The following RIN2 variants were observed in gnomAD, a reference collection of about 807,000 sequenced individuals.
RIN2 encodes RAB5 interacting protein 2.
Under a neutral mutation model 78.0 loss-of-function variants are expected in RIN2, and 36 were observed. The ratio of observed to expected loss-of-function variants is 0.46; its 90% CI spans 0.35 to 0.61. The LOEUF (loss-of-function observed/expected upper bound fraction) is 0.61. Among genes scored for constraint, RIN2 ranks in the 20% least tolerant of loss-of-function variants. The pLI, the probability that RIN2 is intolerant of heterozygous loss-of-function variation, is 0.00. For missense variants in RIN2, 1,087 were observed against 1,159.7 expected (o/e 0.94, Z 0.91); for synonymous variants, 466 against 466.8 (o/e 1.00, Z 0.02).
rs758422755 is a variant in RIN2 at position 19,975,281 on chromosome 20, G to A, written c.1256G>A (p.Arg419Gln). 1.0e-5 allele frequency: 16 copies of A among 1,597,378 alleles called. No homozygotes were observed. The highest frequency in any genetic ancestry group is 6.8e-5 in the South Asian group (6 of 88,882). Residue 419 changes from arginine to glutamine, a missense_variant, in exon 9 of 13, where the codon CGG (arginine) becomes CAG (glutamine). By Grantham distance (43) the Arg-to-Gln change is conservative. Transcript: ENST00000255006. The surrounding 1 kb of genome is among the most constrained non-coding windows in gnomAD (Gnocchi z 4.9). ...TRAPPPSSES[R>Q]PPCHGGRQRL... Reference sequence around the variant, plus strand: ...GCCCCGCCGCCCAGCTCTGAATCACGGCCCCCGTGCCATGGAGGCCGGCAG... The same window carrying A: ...GCCCCGCCGCCCAGCTCTGAATCACAGCCCCCGTGCCATGGAGGCCGGCAG...
intron 2 of RIN2, among the ~76,000 whole-genome samples, chr20:19,851,046 GA>G (rs2036957195): frequency 5.0e-5 from 3 of 60,398 alleles, no homozygotes; most frequent in African/African-American, 1.1e-4. Flanking sequence ...AGGAAGGAAG[GA>G]AGGAGAAAGA....
chr20:19,983,281 T>G (rs1315764661), intron 9 of RIN2, among the ~76,000 whole-genome samples: 2 of 152,220 alleles, frequency 1.3e-5, no homozygotes. Flanking sequence ...GAGAGGTCTA[T>G]GTGCCATCTC....
At chr20:19,847,008 CT>C (rs761828596) in intron 2 of RIN2, among the ~76,000 whole-genome samples, 1 of 152,200 alleles carries the variant, frequency 6.6e-6, no homozygotes, top group Non-Finnish European at 1.5e-5. Flanking sequence ...AGTAGTATCT[CT>C]TAATTTTTGA....
intron 2 of RIN2, among the ~76,000 whole-genome samples, chr20:19,856,265 A>C (rs1308014417): frequency 6.6e-6 from 1 of 152,196 alleles, no homozygotes; most frequent in Non-Finnish European, 1.5e-5. Context: ...TTAGGGTTTT[A>C]AGAGTTATTT....
Position 20,001,060 on chromosome 20 carries a change from G to A in RIN2, c.*124G>A, listed in dbSNP as rs2043129537. ...GGGGACCCCTCAGTGTAGTGACTAA[G>A]CCATCCACAGGCCAACTCGGCCAAG... On this transcript the variant is annotated 3_prime_UTR_variant, in exon 13 of 13. Coordinates refer to ENST00000255006, the MANE Select transcript of RIN2 (RefSeq NM_018993.4). The A allele has an allele frequency of 2.2e-6, 2 of 896,384 alleles. No individual in the cohort carries two copies. Among genetic ancestry groups the A allele is most frequent in the South Asian group, 1.9e-5 (1 of 53,710 alleles). 55.5% of individuals were successfully genotyped at this position (896,384 alleles called of 1,614,324 possible). A position where few individuals can be genotyped will look rare whatever the true frequency, so the allele number is the denominator to read the frequency against.
chr20:19,759,009 G>A (rs956446455), intron 1 of RIN2, among the ~76,000 whole-genome samples: 1 of 152,210 alleles, frequency 6.6e-6, no homozygotes, highest in Admixed American at 6.5e-5. Context: ...GGGAAGGGAC[G>A]GGGCCACTTT....
intron 2 of RIN2, among the ~76,000 whole-genome samples, chr20:19,808,457 C>T (rs2035481052): frequency 6.6e-6 from 1 of 152,228 alleles, no homozygotes; most frequent in African/African-American, 2.4e-5. Flanking sequence ...CTGGAGTGGC[C>T]TCAGCTCGGG....
chr20:19,922,264 C>G (rs1365543424), intron 3 of RIN2, among the ~76,000 whole-genome samples: 2 of 152,138 alleles, frequency 1.3e-5, no homozygotes, highest in Non-Finnish European at 2.9e-5. Context: ...CAACACCCAG[C>G]TTCACTGGTC....
chr20:19,861,537 C>CTGA (rs1305692896), intron 2 of RIN2, among the ~76,000 whole-genome samples: 9 of 151,930 alleles, frequency 5.9e-5, no homozygotes, highest in African/African-American at 1.9e-4. Flanking sequence ...CCCTCCATAT[C>CTGA]TGATCACCCT....
intron 2 of RIN2, among the ~76,000 whole-genome samples, chr20:19,834,510 T>A (rs1354385024): frequency 3.9e-5 from 6 of 152,132 alleles, no homozygotes; most frequent in Non-Finnish European, 8.8e-5. Context: ...ACGCTCTGGT[T>A]CCCTGACAGG....
intron 1 of RIN2, among the ~76,000 whole-genome samples, chr20:19,778,057 T>C (rs1416898461): frequency 2.0e-5 from 3 of 152,220 alleles, no homozygotes; most frequent in African/African-American, 7.2e-5. Context: ...CCTGAATATA[T>C]TTTCATTTGC....
At chr20:19,930,059 TGAATGGAAGG>T (rs1180219783) in intron 3 of RIN2, among the ~76,000 whole-genome samples, 1 of 130,572 alleles carries the variant, frequency 7.7e-6, no homozygotes, top group East Asian at 2.1e-4. Flanking sequence ...GAGTCAGGAC[TGAATGGAAGG>T]GGAGGGAAAA....
At chr20:19,825,662 C>T (rs1041795008) in intron 2 of RIN2, among the ~76,000 whole-genome samples, 2 of 152,308 alleles carry the variant, frequency 1.3e-5, no homozygotes, top group Non-Finnish European at 1.5e-5. Context: ...TCCACCAATA[C>T]GGATACTGCC....
intron 2 of RIN2, among the ~76,000 whole-genome samples, chr20:19,844,590 G>T (rs561965432): frequency 1.2e-3 from 101 of 84,860 alleles, no homozygotes; most frequent in African/African-American, 3.6e-3. Context: ...TGCTGCTGCT[G>T]CTGCTTCTTC....
intron 6 of RIN2, among the ~76,000 whole-genome samples, chr20:19,961,167 C>T (rs886079642): frequency 4.6e-5 from 7 of 152,206 alleles, no homozygotes; most frequent in African/African-American, 1.7e-4. Flanking sequence ...GAGACTGTAG[C>T]GAGAGAGCCC....
chr20:19,813,525 G>C (rs1427051743), intron 2 of RIN2, among the ~76,000 whole-genome samples: 1 of 152,200 alleles, frequency 6.6e-6, no homozygotes, highest in African/African-American at 2.4e-5. Flanking sequence ...GGGAGAAATA[G>C]ATTATAACAA....
intron 2 of RIN2, among the ~76,000 whole-genome samples, chr20:19,887,915 T>C (rs1384961853): frequency 1.3e-5 from 2 of 152,160 alleles, no homozygotes; most frequent in Non-Finnish European, 2.9e-5. Context: ...TCTAAACAGG[T>C]CATGGTTTGC....
chr20:19,920,257 C>T (rs2039860834), intron 3 of RIN2, among the ~76,000 whole-genome samples: 2 of 148,142 alleles, frequency 1.4e-5, no homozygotes, highest in South Asian at 4.3e-4. Context: ...GATCGCGCCA[C>T]TGCACTCCAG....
intron 6 of RIN2, among the ~76,000 whole-genome samples, chr20:19,961,731 C>T (rs2041756543): frequency 6.6e-6 from 1 of 152,074 alleles, no homozygotes; most frequent in Admixed American, 6.6e-5. Flanking sequence ...GTAAAACCTG[C>T]CAGGCTGACT....
Sources: allele counts gnomAD v4.1 joint callset (sites outside exome capture counted in the v4.1 genomes callset), GRCh38; gene constraint gnomAD v4.1.1; non-coding constraint Gnocchi (gnomAD v3.1); transcripts MANE v1.5; gene names NCBI Gene and HGNC (gene_info 2026-07-23, HGNC 2026-07-21).